Variants in LTBP1 observed in about 807,000 individuals in gnomAD.
LTBP1 encodes latent transforming growth factor beta binding protein 1.
Under a neutral mutation model 207.6 loss-of-function variants are expected in LTBP1, and 129 were observed. That is an observed-to-expected ratio of 0.62 (90% confidence interval 0.54 to 0.72). LTBP1 has a LOEUF of 0.72. LTBP1 is among the 30% of genes least tolerant of loss of function. LTBP1 has a pLI of 0.00. For missense variants in LTBP1, 2,281 were observed against 2,217.2 expected (o/e 1.03, Z -0.58); for synonymous variants, 963 against 833.7 (o/e 1.16, Z -2.67).
At chr2:33,177,499 A>G (rs1422996848) in intron 5 of LTBP1, among the ~76,000 whole-genome samples, 5 of 152,254 alleles carry the variant, frequency 3.3e-5, no homozygotes, top group East Asian at 3.9e-4. Context: ...TAATTTTTGT[A>G]TGTACTAAAA....
chr2:33,015,653 C>T (rs1416293289), intron 2 of LTBP1, among the ~76,000 whole-genome samples: 1 of 152,122 alleles, frequency 6.6e-6, no homozygotes, highest in African/African-American at 2.4e-5. Context: ...GTCTGTTAGT[C>T]ACTTCTCACA....
chr2:33,358,960 A>G (rs567919074), intron 26 of LTBP1, among the ~76,000 whole-genome samples: 17 of 152,326 alleles, frequency 1.1e-4, no homozygotes, highest in African/African-American at 3.6e-4. Context: ...TCCTCTGCAC[A>G]CTTGAAGCAA....
intron 22 of LTBP1, among the ~76,000 whole-genome samples, chr2:33,304,059 C>A (rs6543704): frequency 0.36 from 54,371 of 152,050 alleles, 10,553 homozygotes; most frequent in Admixed American, 0.42. Flanking sequence ...GGTTTTTATT[C>A]CAAAAACATC....
chr2:33,057,404 G>A (rs1219443133), intron 3 of LTBP1, among the ~76,000 whole-genome samples: 1 of 152,228 alleles, frequency 6.6e-6, no homozygotes. Flanking sequence ...CGAGCTGCCT[G>A]CCAGTCCCGC....
intron 3 of LTBP1, among the ~76,000 whole-genome samples, chr2:33,033,857 A>G (rs1023233022): frequency 6.6e-6 from 1 of 152,118 alleles, no homozygotes; most frequent in Non-Finnish European, 1.5e-5. Flanking sequence ...CTTTGGTGCT[A>G]TTTTGCGTAT....
chr2:33,276,851 C>CA (rs2148451236), intron 18 of LTBP1, among the ~76,000 whole-genome samples: 2 of 152,168 alleles, frequency 1.3e-5, no homozygotes, highest in African/African-American at 4.8e-5. Context: ...ACCTTGTCTC[C>CA]AAAAAACAAA....
chr2:33,059,326 T>C (rs962790505), intron 3 of LTBP1, among the ~76,000 whole-genome samples: 3 of 152,234 alleles, frequency 2.0e-5, no homozygotes, highest in Non-Finnish European at 4.4e-5. Context: ...TACAGTGCTT[T>C]GAAGCCACTA....
At chr2:33,003,640 C>T (rs1686363416) in intron 2 of LTBP1, among the ~76,000 whole-genome samples, 1 of 152,184 alleles carries the variant, frequency 6.6e-6, no homozygotes, top group African/African-American at 2.4e-5. Flanking sequence ...GGTGGTAGAG[C>T]TTCCTTCCAA....
At chr2:33,269,224 A>C (rs151134074) in intron 15 of LTBP1, among the ~76,000 whole-genome samples, 149 of 152,330 alleles carry the variant, frequency 9.8e-4, no homozygotes, top group African/African-American at 3.4e-3. Context: ...TAATTTTAGA[A>C]AATAGAGTAA....
At chr2:33,223,564 T>A (rs1217268695) in intron 9 of LTBP1, among the ~76,000 whole-genome samples, 4 of 152,216 alleles carry the variant, frequency 2.6e-5, no homozygotes, top group African/African-American at 9.7e-5. Context: ...AATGAGTAGG[T>A]TAAATTAAAT....
chr2:33,217,484 C>T (rs957560342), intron 7 of LTBP1, 68 bp from the exon 8 acceptor site: 2 of 1,052,000 alleles, frequency 1.9e-6, no homozygotes, highest in African/African-American at 1.6e-5. Context: ...CTGTGAGGGA[C>T]AGCAGTGCTC....
At chr2:33,318,544 G>A (rs772124869) in intron 24 of LTBP1, among the ~76,000 whole-genome samples, 10 of 152,152 alleles carry the variant, frequency 6.6e-5, no homozygotes, top group Non-Finnish European at 1.5e-4. Context: ...ATAAATAAGT[G>A]CAGAGTGTAA....
chr2:33,192,979 A>G (rs975809348), intron 7 of LTBP1, among the ~76,000 whole-genome samples: 1 of 152,208 alleles, frequency 6.6e-6, no homozygotes, highest in African/African-American at 2.4e-5. Context: ...ATTAGGTCCC[A>G]TACTCCTAAC....
At chr2:33,208,620 G>A (rs1015318218) in intron 7 of LTBP1, among the ~76,000 whole-genome samples, 1 of 152,160 alleles carries the variant, frequency 6.6e-6, no homozygotes. Context: ...GGGCACCTGA[G>A]GAACACCGAC....
intron 7 of LTBP1, among the ~76,000 whole-genome samples, chr2:33,191,686 G>A (rs757146216): frequency 4.6e-5 from 7 of 152,216 alleles, no homozygotes; most frequent in Non-Finnish European, 1.0e-4. Flanking sequence ...GCTATAGCCA[G>A]GAGGTATAGG....
intron 24 of LTBP1, among the ~76,000 whole-genome samples, chr2:33,341,676 A>T (rs1267169644): frequency 7.0e-6 from 1 of 143,846 alleles, no homozygotes; most frequent in Non-Finnish European, 1.5e-5. Flanking sequence ...GCGCCACTGC[A>T]CTCCAGCCTG....
intron 5 of LTBP1, among the ~76,000 whole-genome samples, chr2:33,151,629 C>A (rs929726460): frequency 3.3e-5 from 5 of 152,256 alleles, no homozygotes; most frequent in Admixed American, 6.5e-5. Context: ...ACCCTTCCCT[C>A]TAAGTCTCTA....
intron 9 of LTBP1, among the ~76,000 whole-genome samples, chr2:33,235,383 T>TC (rs1274195145): frequency 1.3e-5 from 2 of 152,108 alleles, no homozygotes; most frequent in African/African-American, 4.8e-5. Flanking sequence ...TGGCGATCAT[T>TC]AAAAAGTCAG....
chr2:33,288,083 C>G (rs778418294), intron 19 of LTBP1, among the ~76,000 whole-genome samples: 1 of 152,158 alleles, frequency 6.6e-6, no homozygotes, highest in Non-Finnish European at 1.5e-5. Flanking sequence ...TCAAGTGGTA[C>G]TCACTCACTG....
Sources: gnomAD v4.1 joint callset for allele counts (sites outside exome capture counted in the v4.1 genomes callset) on GRCh38, gnomAD v4.1.1 for gene constraint, MANE v1.5 for transcripts, NCBI Gene and HGNC (gene_info 2026-07-23, HGNC 2026-07-21) for gene names.